Variants in CTNNA1 observed in about 807,000 individuals in gnomAD.
CTNNA1 encodes the protein catenin alpha-1.
CTNNA1 carries 37 observed loss-of-function variants against 98.4 expected under a neutral mutation model. The observed-to-expected ratio is 0.38, with a 90% CI of 0.29 to 0.49. The LOEUF (loss-of-function observed/expected upper bound fraction) is 0.49, where lower values mean the gene tolerates loss of function less well. CTNNA1 is among the 20% of genes least tolerant of loss of function. The pLI, the probability that CTNNA1 is intolerant of heterozygous loss-of-function variation, is 0.95. For synonymous variants in CTNNA1, 404 were observed against 413.2 expected, an observed-to-expected ratio of 0.98 and a Z score of 0.27; for missense variants, 761 against 1,147.2, an observed-to-expected ratio of 0.66 and a Z score of 4.86.
intron 7 of CTNNA1, chr5:138,875,851 AGTGG>A: frequency 4.3e-6 from 2 of 461,028 alleles, no homozygotes; most frequent in Non-Finnish European, 5.7e-6. Context: ...AAACTAGCTA[AGTGG>A]GCTTGGCTTG....
intron 7 of CTNNA1, among the ~76,000 whole-genome samples, chr5:138,838,010 G>A (rs1010127053): frequency 6.6e-6 from 1 of 152,084 alleles, no homozygotes; most frequent in Non-Finnish European, 1.5e-5. Context: ...TTTTTAATCT[G>A]TTTCAATCAG....
chr5:138,841,965 A>G (rs1762310274), intron 7 of CTNNA1, among the ~76,000 whole-genome samples: 1 of 152,244 alleles, frequency 6.6e-6, no homozygotes, highest in Non-Finnish European at 1.5e-5. Context: ...CTGGTTTTAT[A>G]GATTCAAACA....
At chr5:138,890,586 C>G (rs1185816024) in intron 9 of CTNNA1, among the ~76,000 whole-genome samples, 3 of 152,180 alleles carry the variant, frequency 2.0e-5, no homozygotes, top group Admixed American at 2.0e-4. Context: ...ATGCCTCTTC[C>G]AATGAAATCA....
chr5:138,915,119 C>T (rs1212976482), intron 10 of CTNNA1, among the ~76,000 whole-genome samples: 5 of 151,878 alleles, frequency 3.3e-5, no homozygotes, highest in Non-Finnish European at 7.4e-5. Flanking sequence ...TGCACTCCAG[C>T]CTGGGCAACA....
chr5:138,794,862 C>CTT (rs1756762360), intron 3 of CTNNA1, among the ~76,000 whole-genome samples: 1 of 152,114 alleles, frequency 6.6e-6, no homozygotes, highest in Non-Finnish European at 1.5e-5. Flanking sequence ...GGTGGAATAA[C>CTT]AGATGAAAAT....
intron 7 of CTNNA1, among the ~76,000 whole-genome samples, chr5:138,840,669 C>T (rs955350729): frequency 1.3e-5 from 2 of 151,258 alleles, no homozygotes; most frequent in African/African-American, 4.9e-5. Context: ...ATGTGACAAA[C>T]ATGTAAAACT....
chr5:138,758,670 C>G (rs539053743), intron 1 of CTNNA1, among the ~76,000 whole-genome samples: 3 of 152,108 alleles, frequency 2.0e-5, no homozygotes, highest in African/African-American at 7.2e-5. Flanking sequence ...CCACCACACC[C>G]GGCTGATATT....
At chr5:138,839,663 G>T (rs781025592) in intron 7 of CTNNA1, among the ~76,000 whole-genome samples, 2 of 152,034 alleles carry the variant, frequency 1.3e-5, no homozygotes, top group Non-Finnish European at 2.9e-5. Context: ...TTGTAGATTC[G>T]ACCATTCTTT....
intron 7 of CTNNA1, among the ~76,000 whole-genome samples, chr5:138,841,693 T>C (rs1166880255): frequency 6.6e-6 from 1 of 152,240 alleles, no homozygotes; most frequent in African/African-American, 2.4e-5. Flanking sequence ...GATATTTCCT[T>C]TGAGTTACTT....
rs1758865920 is a variant in CTNNA1 at position 138,812,002 on chromosome 5, C to T, written c.469-181C>T. The T allele has an allele frequency of 5.7e-6, 3 of 527,534 alleles. No individual in the cohort carries two copies. In the South Asian group the frequency reaches 7.0e-5, roughly 12 times the overall value. 32.7% of individuals were successfully genotyped at this position (527,534 alleles called of 1,614,324 possible). On this transcript the variant is annotated intron_variant, in intron 4 of 17. Coordinates refer to ENST00000302763, the MANE Select transcript of CTNNA1 (RefSeq NM_001903.5). The stretch of plus-strand genomic sequence containing the variant: ...TTAGAGGCCAATATTAGTGTTTTTC[C>T]CACTATGAAGCTCCTGTGTAATTGC...
intron 9 of CTNNA1, among the ~76,000 whole-genome samples, chr5:138,888,478 C>T (rs372206043): frequency 7.2e-5 from 11 of 152,186 alleles, no homozygotes; most frequent in Middle Eastern, 3.4e-3. Flanking sequence ...AAACAGAAAA[C>T]GGGACCTTAT....
At chr5:138,924,753 C>A in intron 12 of CTNNA1, 43 bp downstream of exon 12, 1 of 1,512,070 alleles carries the variant, frequency 6.6e-7, no homozygotes, top group Non-Finnish European at 9.0e-7. Context: ...ACACCGCAGC[C>A]TCAGTGAGGC....
chr5:138,754,401 C>T (rs746221730), intron 1 of CTNNA1: 1 of 152,100 alleles, frequency 6.6e-6, no homozygotes, highest in Non-Finnish European at 1.5e-5. Context: ...AGGTTGACTC[C>T]CTCTTACGTC....
At chr5:138,896,729 C>T (rs937078823) in intron 9 of CTNNA1, among the ~76,000 whole-genome samples, 5 of 152,162 alleles carry the variant, frequency 3.3e-5, no homozygotes, top group African/African-American at 9.7e-5. Context: ...CCTTTCAAGG[C>T]CATGGTAAGG....
At chr5:138,925,835 G>A (rs1440074298) in intron 13 of CTNNA1, among the ~76,000 whole-genome samples, 1 of 152,200 alleles carries the variant, frequency 6.6e-6, no homozygotes, top group African/African-American at 2.4e-5. Flanking sequence ...GGGTGTTGGG[G>A]GGAGGAGCGG....
At chr5:138,899,794 G>C (rs1425909383) in intron 9 of CTNNA1, among the ~76,000 whole-genome samples, 1 of 152,118 alleles carries the variant, frequency 6.6e-6, no homozygotes, top group Non-Finnish European at 1.5e-5. Context: ...TTTTTCACCT[G>C]CCTAGCTCTG....
intron 3 of CTNNA1, among the ~76,000 whole-genome samples, chr5:138,796,543 C>CA (rs142596986): frequency 4.6e-3 from 185 of 40,056 alleles, no homozygotes; most frequent in African/African-American, 0.011. Flanking sequence ...GACTCCGTCT[C>CA]AAAAAAAAAA....
intron 3 of CTNNA1, among the ~76,000 whole-genome samples, chr5:138,793,767 A>C (rs1756622339): frequency 6.6e-6 from 1 of 152,204 alleles, no homozygotes; most frequent in South Asian, 2.1e-4. Context: ...AGTGTTTCTG[A>C]ATAGCAGCAG....
At chr5:138,925,049 A>G (rs1386381455) in intron 12 of CTNNA1, among the ~76,000 whole-genome samples, 6 of 152,368 alleles carry the variant, frequency 3.9e-5, no homozygotes, top group African/African-American at 1.4e-4. Flanking sequence ...GTTCTCAACC[A>G]TCCAATCTCT....
Sources: allele counts gnomAD v4.1 joint callset (sites outside exome capture counted in the v4.1 genomes callset), GRCh38; gene constraint gnomAD v4.1.1; transcripts MANE v1.5; gene names NCBI Gene and HGNC (gene_info 2026-07-23, HGNC 2026-07-21).